The following TBL1Y variants were observed in gnomAD, a reference collection of about 807,000 sequenced individuals.
TBL1Y encodes the protein F-box-like/WD repeat-containing protein TBL1Y.
Under a neutral mutation model 12.0 loss-of-function variants are expected in TBL1Y, and 15 were observed. The observed-to-expected ratio is 1.25, with a 90% CI of 0.83 to 1.92. The LOEUF is 1.92. Among genes scored for constraint, TBL1Y ranks in the 40% most tolerant of loss-of-function variants. The pLI is 0.00. For synonymous variants in TBL1Y, 53 were observed against 42.6 expected (o/e 1.24, Z -0.95); for missense variants, 148 against 116.7 (o/e 1.27, Z -1.24).
chrY:7,013,681 C>T (rs1603038302), intron 4 of TBL1Y, among the ~76,000 whole-genome samples: 2 of 34,336 alleles, frequency 5.8e-5, no homozygotes, highest in East Asian at 1.6e-3. Flanking sequence ...ACTGCAGGGT[C>T]TATACCTTGC....
chrY:7,087,185 A>T, intron 16 of TBL1Y, 82 bp from the exon 17 acceptor site: 2 of 57,636 alleles, frequency 3.5e-5, no homozygotes, highest in South Asian at 3.7e-4. Context: ...TATATATATA[A>T]TATATATATG....
At chrY:7,063,685 A>C in intron 7 of TBL1Y, among the ~76,000 whole-genome samples, 1 of 33,219 alleles carries the variant, frequency 3.0e-5, no homozygotes. Flanking sequence ...TGAAGGTAAA[A>C]AATTGAACAT....
intron 7 of TBL1Y, among the ~76,000 whole-genome samples, chrY:7,044,477 G>T: frequency 3.0e-5 from 1 of 33,548 alleles, no homozygotes; most frequent in Admixed American, 2.7e-4. Flanking sequence ...CTGGCAGTTG[G>T]ATTTTTCCAG....
chrY:6,923,936 A>G, intron 2 of TBL1Y, among the ~76,000 whole-genome samples: 1 of 32,666 alleles, frequency 3.1e-5, no homozygotes, highest in Non-Finnish European at 7.5e-5. Flanking sequence ...GATACTCCTC[A>G]AAGTAGCTGA....
intron 1 of TBL1Y, among the ~76,000 whole-genome samples, chrY:6,911,623 C>T: frequency 2.9e-5 from 1 of 34,875 alleles, no homozygotes; most frequent in Admixed American, 2.5e-4. Flanking sequence ...CCCCCCCGCG[C>T]CCCCGGTCTG....
chrY:6,997,832 A>G, intron 4 of TBL1Y, among the ~76,000 whole-genome samples: 1 of 34,135 alleles, frequency 2.9e-5, no homozygotes. Flanking sequence ...CAGCCCCTGT[A>G]TCAGTTATCT....
At chrY:7,029,435 G>A in intron 6 of TBL1Y, among the ~76,000 whole-genome samples, 4 of 32,962 alleles carry the variant, frequency 1.2e-4, no homozygotes, top group African/African-American at 4.7e-4. Flanking sequence ...ACCTCACCTG[G>A]CTAATTTTTA....
intron 2 of TBL1Y, among the ~76,000 whole-genome samples, chrY:6,967,472 C>T: frequency 3.1e-5 from 1 of 32,667 alleles, no homozygotes; most frequent in African/African-American, 1.2e-4. Context: ...GCAACCTCTG[C>T]CTCCTGGGTT....
chrY:6,951,301 C>T, intron 2 of TBL1Y, among the ~76,000 whole-genome samples: 1 of 33,192 alleles, frequency 3.0e-5, no homozygotes, highest in Non-Finnish European at 7.4e-5. Flanking sequence ...GCTGTGAATC[C>T]ATCTGCTCCT....
intron 2 of TBL1Y, among the ~76,000 whole-genome samples, chrY:6,940,093 CAAAAAAAAAAA>C (rs2011940680): frequency 4.1e-4 from 1 of 2,444 alleles, no homozygotes; most frequent in Non-Finnish European, 7.8e-4. Context: ...ACTAAAAATA[CAAAAAAAAAAA>C]AAAAAAAAAA....
chrY:6,929,136 T>A (rs997279678), intron 2 of TBL1Y, among the ~76,000 whole-genome samples: 9 of 32,955 alleles, frequency 2.7e-4, no homozygotes, highest in Non-Finnish European at 5.3e-4. Flanking sequence ...ACTGGCAGCC[T>A]GGTCCCCAGG....
At chrY:7,030,478 A>C in intron 6 of TBL1Y, among the ~76,000 whole-genome samples, 6 of 33,122 alleles carry the variant, frequency 1.8e-4, no homozygotes, top group Non-Finnish European at 3.0e-4. Flanking sequence ...ATAAACAGAA[A>C]ACTCTACAGT....
intron 2 of TBL1Y, among the ~76,000 whole-genome samples, chrY:6,914,416 G>T: frequency 3.2e-5 from 1 of 31,575 alleles, no homozygotes; most frequent in African/African-American, 1.3e-4. Context: ...ATGCCTGGGT[G>T]TGGTGGTTCA....
Position 7,091,663 on chromosome Y carries a change from G to A in TBL1Y, c.*171G>A. 1 of 96,444 alleles carries A rather than the reference G, an allele frequency of 1.0e-5. No individual in the cohort carries two copies. The highest frequency in any genetic ancestry group is 1.6e-4 in the East Asian group (1 of 6,108). The allele number at this position is 96,444 out of a possible 400,897, so 24.1% of individuals were successfully genotyped here. A position where few individuals can be genotyped will look rare whatever the true frequency, so the allele number is the denominator to read the frequency against. ...TGTCCCAGGCCACAGGAGTGTATATGTTTCATAATCTTTATCAAGAAGTTT... is the reference window on the plus strand; with the variant it reads ...TGTCCCAGGCCACAGGAGTGTATATATTTCATAATCTTTATCAAGAAGTTT... On this transcript the variant is annotated 3_prime_UTR_variant, in exon 19 of 19. Transcript: ENST00000383032.
At chrY:6,964,428 C>T in intron 2 of TBL1Y, among the ~76,000 whole-genome samples, 1 of 33,496 alleles carries the variant, frequency 3.0e-5, no homozygotes, top group Non-Finnish European at 7.4e-5. Flanking sequence ...TTTCCCAGGC[C>T]CTGAGGCAAA....
At chrY:6,987,764 G>T in intron 3 of TBL1Y, among the ~76,000 whole-genome samples, 1 of 33,269 alleles carries the variant, frequency 3.0e-5, no homozygotes, top group Non-Finnish European at 7.4e-5. Context: ...TTCATGGCAT[G>T]GACGTACCCA....
At chrY:6,948,889 G>T in intron 2 of TBL1Y, among the ~76,000 whole-genome samples, 7 of 30,611 alleles carry the variant, frequency 2.3e-4, no homozygotes, top group Non-Finnish European at 4.7e-4. Context: ...GGGAAAACAG[G>T]CTTTAATAAG....
At chrY:7,056,568 G>A in intron 7 of TBL1Y, among the ~76,000 whole-genome samples, 1 of 33,031 alleles carries the variant, frequency 3.0e-5, no homozygotes, top group Non-Finnish European at 7.5e-5. Flanking sequence ...TTACCCCCAA[G>A]GAGGCATAGT....
chrY:7,073,731 G>C, intron 12 of TBL1Y, among the ~76,000 whole-genome samples: 1 of 33,802 alleles, frequency 3.0e-5, no homozygotes, highest in Non-Finnish European at 7.3e-5. Flanking sequence ...TTGACTGACA[G>C]AGAGATGTAA....
Sources: allele counts gnomAD v4.1 joint callset (sites outside exome capture counted in the v4.1 genomes callset), GRCh38; gene constraint gnomAD v4.1.1; transcripts MANE v1.5; gene names NCBI Gene and HGNC (gene_info 2026-07-23, HGNC 2026-07-21).